Variants in FAM221A observed in about 807,000 individuals in gnomAD.
FAM221A encodes the protein protein FAM221A.
Under a neutral mutation model 37.6 loss-of-function variants are expected in FAM221A, and 43 were observed. The observed-to-expected ratio is 1.15, with a 90% confidence interval of 0.90 to 1.48. The LOEUF is 1.48. Among genes scored for constraint, FAM221A ranks in the 40% most tolerant of loss-of-function variants. FAM221A has a pLI of 0.00. For missense variants in FAM221A, 361 were observed against 361.5 expected (o/e 1.00, Z 0.01); for synonymous variants, 135 against 132.9 (o/e 1.02, Z -0.11).
chr7:23,702,036 GT>G (rs1350293498), intron 6 of FAM221A, 59 bp from the exon 7 acceptor site: 27 of 1,212,096 alleles, frequency 2.2e-5, no homozygotes, highest in Middle Eastern at 2.3e-4. Flanking sequence ...TTTTCTGCAA[GT>G]TTTTTTTCTT....
At chr7:23,701,581 G>A (rs1785461547) in intron 6 of FAM221A, among the ~76,000 whole-genome samples, 1 of 152,118 alleles carries the variant, frequency 6.6e-6, no homozygotes, top group Non-Finnish European at 1.5e-5. Context: ...TCTTCTTAGA[G>A]GCTTTTAGGT....
At chr7:23,699,139 A>G (rs1785241523) in intron 5 of FAM221A, among the ~76,000 whole-genome samples, 1 of 141,320 alleles carries the variant, frequency 7.1e-6, no homozygotes, top group Non-Finnish European at 1.5e-5. Context: ...TTTTTTTGAG[A>G]CAAGTTCTCT....
intron 4 of FAM221A, among the ~76,000 whole-genome samples, chr7:23,697,578 C>T (rs1785136039): frequency 6.6e-6 from 1 of 152,090 alleles, no homozygotes; most frequent in Non-Finnish European, 1.5e-5. Flanking sequence ...CCTTTTCAGC[C>T]AGAGGTTCCT....
At position 23,692,437 on chromosome 7, in the gene FAM221A, G is replaced by C. The variant is rs577820899; in HGVS notation, c.637+841G>C. 750 of 212,058 alleles carry C rather than the reference G, an allele frequency of 3.5e-3. 4 individuals carry two copies. Among genetic ancestry groups the C allele is most frequent in the Non-Finnish European group, 4.3e-3 (531 of 122,864 alleles). 13.1% of individuals were successfully genotyped at this position (212,058 alleles called of 1,614,324 possible). A position where few individuals can be genotyped will look rare whatever the true frequency, so the allele number is the denominator to read the frequency against. Reference sequence around the variant, plus strand: ...GCTCACCGCAACCTCCGCCTCCCGGGTTCAAGCAATTCTCCTGCCTCAGCC... The same window carrying C: ...GCTCACCGCAACCTCCGCCTCCCGGCTTCAAGCAATTCTCCTGCCTCAGCC... On this transcript the variant is annotated intron_variant, in intron 4 of 6. Transcript: ENST00000344962.
At chr7:23,695,989 G>A (rs1329064762) in intron 4 of FAM221A, among the ~76,000 whole-genome samples, 3 of 152,114 alleles carry the variant, frequency 2.0e-5, no homozygotes, top group Non-Finnish European at 4.4e-5. Context: ...TATCTTCAAG[G>A]TATAGTCATG....
At chr7:23,697,466 T>A (rs975949303) in intron 4 of FAM221A, among the ~76,000 whole-genome samples, 3 of 152,250 alleles carry the variant, frequency 2.0e-5, no homozygotes, top group African/African-American at 7.2e-5. Flanking sequence ...GTTGTGGATG[T>A]TTCCTCATTT....
intron 2 of FAM221A, chr7:23,688,639 C>CTTTTTT (rs748780946): frequency 7.1e-6 from 1 of 141,038 alleles, no homozygotes. Flanking sequence ...TTTTTCTTTT[C>CTTTTTT]TTTTTTTTTT....
rs1221814806 is a variant in FAM221A at position 23,698,201 on chromosome 7, C to A, written c.647C>A (p.Ser216Ter). 8 of 1,558,192 alleles carry A rather than the reference C, an allele frequency of 5.1e-6. No individual in the cohort carries two copies. In the South Asian group the frequency reaches 9.1e-5, roughly 18 times the overall value. The change falls in exon 5 of 7, where the codon TCA (serine) becomes TAA (stop). Residue 216 changes from serine (S) to a stop codon, truncating the protein, a stop_gained. Transcript: ENST00000344962. LOFTEE classifies it high-confidence loss of function. ...RLDDSGIGVPSVEFLESPITA... is the reference protein window; with the variant it reads ...RLDDSGIGVP ...TGTATTGTTTTCTCAGGTGTACCTT[C>A]AGTTGAATTTTTAGAATCTCCCATT...
chr7:23,702,198 T>C lies in FAM221A; in HGVS notation c.*34T>C, dbSNP rs781495387. On this transcript the variant is annotated 3_prime_UTR_variant, in exon 7 of 7. Coordinates refer to ENST00000344962, the MANE Select transcript of FAM221A (RefSeq NM_199136.5). The stretch of plus-strand genomic sequence containing the variant: ...GGAGAAATTAAAACCATCATCCAAG[T>C]ATCTTTTTCATGTTTATTTAAATGT... The C allele has an allele frequency of 5.1e-6, 7 of 1,371,660 alleles. No homozygotes were observed. Among genetic ancestry groups the C allele is most frequent in the Non-Finnish European group, 7.0e-6 (7 of 998,002 alleles). 85.0% of individuals were successfully genotyped at this position (1,371,660 alleles called of 1,614,324 possible).
chr7:23,689,437 G>A lies in FAM221A; in HGVS notation c.408G>A (p.Ala136=), dbSNP rs151159653. ...ACTTTGCTGATCAGCACAGTGCTGC[G>A]CCTGGCTTTACATGCAATACATGTG... ...CKHFADQHSA[A]PGFTCNTCSK... The change falls in exon 3 of 7, where the codon GCG becomes GCA. Residue 136 remains alanine, a synonymous_variant. Coordinates refer to ENST00000344962, the MANE Select transcript of FAM221A (RefSeq NM_199136.5). The A allele has an allele frequency of 1.2e-4, 184 of 1,570,460 alleles. No homozygotes were observed. The highest frequency in any genetic ancestry group is 1.5e-4 in the Non-Finnish European group (169 of 1,146,942).
intron 5 of FAM221A, among the ~76,000 whole-genome samples, chr7:23,700,353 C>T (rs1380325064): frequency 3.9e-5 from 6 of 152,082 alleles, no homozygotes; most frequent in Non-Finnish European, 7.4e-5. Context: ...AAGTGATTAC[C>T]GTAAAAAATG....
At chr7:23,684,290 C>G (rs1048423981) in intron 1 of FAM221A, among the ~76,000 whole-genome samples, 1 of 144,238 alleles carries the variant, frequency 6.9e-6, no homozygotes, top group Non-Finnish European at 1.6e-5. Context: ...TATAAGGACC[C>G]TGGTTCTATT....
At chr7:23,691,203 G>A (rs1334629925) in intron 3 of FAM221A, among the ~76,000 whole-genome samples, 187 bp from the exon 4 acceptor site, 2 of 150,160 alleles carry the variant, frequency 1.3e-5, no homozygotes, top group African/African-American at 4.9e-5. Flanking sequence ...TTTCTGTGTT[G>A]TATCTGGTTA....
At chr7:23,692,869 A>G (rs56394851) in intron 4 of FAM221A, 39,237 of 492,308 alleles carry the variant, frequency 0.08, 1,699 homozygotes, top group East Asian at 0.14. Context: ...GGGTCTTGCT[A>G]TGGTGGTAGG....
intron 2 of FAM221A, chr7:23,687,583 A>G (rs1389744523): frequency 1.3e-5 from 2 of 151,492 alleles, no homozygotes; most frequent in Non-Finnish European, 2.9e-5. Context: ...GGTTCAAAGA[A>G]TGGACCTTTT....
intron 2 of FAM221A, 62 bp downstream of exon 2, chr7:23,684,734 C>A: frequency 7.1e-7 from 1 of 1,399,436 alleles, no homozygotes; most frequent in Non-Finnish European, 9.8e-7. Context: ...GCATATCTTA[C>A]TTCTACAAAT....
At chr7:23,686,687 A>T (rs1264301497) in intron 2 of FAM221A, 1 of 153,660 alleles carries the variant, frequency 6.5e-6, no homozygotes, top group Admixed American at 6.4e-5. Context: ...AAAATGGGGG[A>T]TATATAGAAA....
chr7:23,681,243 C>G (rs947022837), intron 1 of FAM221A, among the ~76,000 whole-genome samples: 42 of 152,142 alleles, frequency 2.8e-4, no homozygotes, highest in Admixed American at 1.0e-3. Context: ...GCAGAGCCGG[C>G]TCCTTTAGCC....
chr7:23,683,042 C>T (rs2128033795), intron 1 of FAM221A, among the ~76,000 whole-genome samples: 1 of 152,084 alleles, frequency 6.6e-6, no homozygotes, highest in East Asian at 1.9e-4. Flanking sequence ...ATGGCAAGTA[C>T]ATAGAGCAAT....
Sources: gnomAD v4.1 joint callset for allele counts (sites outside exome capture counted in the v4.1 genomes callset) on GRCh38, gnomAD v4.1.1 for gene constraint, MANE v1.5 for transcripts, NCBI Gene and HGNC (gene_info 2026-07-23, HGNC 2026-07-21) for gene names.